AATF: variants seen among roughly 807,000 people sequenced by gnomAD.
AATF encodes the protein protein AATF.
AATF carries 48 observed loss-of-function variants against 63.7 expected under a neutral mutation model. The ratio of observed to expected loss-of-function variants is 0.75; its 90% CI spans 0.60 to 0.96. AATF has a LOEUF of 0.96. Among genes scored for constraint, AATF ranks in the 40% least tolerant of loss-of-function variants. The probability of loss-of-function intolerance (pLI) is 0.00; values close to 1 mark genes in which losing one functional copy is unlikely to be tolerated. For synonymous variants in AATF, 258 were observed against 247.7 expected, an observed-to-expected ratio of 1.04 and a Z score of -0.39; for missense variants, 639 against 685.7, an observed-to-expected ratio of 0.93 and a Z score of 0.76.
At position 37,056,394 on chromosome 17, in the gene AATF, G is replaced by A. The variant is rs560854391; in HGVS notation, c.1620-207G>A. Reference sequence around the variant, plus strand: ...ATTCCCTGGAGACGGGTGTCCAGCCGCACTGGACCATTTACATATTTTACT... The same window carrying A: ...ATTCCCTGGAGACGGGTGTCCAGCCACACTGGACCATTTACATATTTTACT... On this transcript the variant is annotated intron_variant, in intron 11 of 11. Coordinates refer to ENST00000619387, the MANE Select transcript of AATF (RefSeq NM_012138.4). The A allele has an allele frequency of 1.6e-4, 93 of 566,528 alleles. No homozygotes were observed. In the South Asian group the frequency reaches 1.8e-3, roughly 11 times the overall value. The allele number at this position is 566,528 out of a possible 1,614,324, so 35.1% of individuals were successfully genotyped here.
At chr17:37,046,382 G>A (rs996803938) in intron 11 of AATF, among the ~76,000 whole-genome samples, 1 of 152,088 alleles carries the variant, frequency 6.6e-6, no homozygotes, top group Non-Finnish European at 1.5e-5. Flanking sequence ...GGAGAAGGAA[G>A]GCAGAGGAGA....
At chr17:37,040,465 C>G in intron 11 of AATF, among the ~76,000 whole-genome samples, 1 of 11,062 alleles carries the variant, frequency 9.0e-5, no homozygotes, top group African/African-American at 4.6e-4. Flanking sequence ...TCATTTGTTC[C>G]TCATTTAAAA....
intron 11 of AATF, among the ~76,000 whole-genome samples, chr17:37,049,131 A>T (rs2071723335): frequency 6.6e-6 from 1 of 152,144 alleles, no homozygotes; most frequent in South Asian, 2.1e-4. Flanking sequence ...TAAGTAATTT[A>T]CCTAAGGTCC....
At chr17:37,034,720 A>G (rs1266631754) in intron 11 of AATF, 1 of 152,236 alleles carries the variant, frequency 6.6e-6, no homozygotes, top group East Asian at 1.9e-4. Flanking sequence ...AACTTGAACA[A>G]AAAAATTCCA....
At chr17:37,041,528 C>T (rs570342216) in intron 11 of AATF, among the ~76,000 whole-genome samples, 7 of 151,704 alleles carry the variant, frequency 4.6e-5, no homozygotes, top group East Asian at 3.9e-4. Context: ...TTTTTTGAGA[C>T]GGAGTCTTGC....
At chr17:36,960,773 G>A (rs2070940807) in intron 4 of AATF, among the ~76,000 whole-genome samples, 1 of 152,188 alleles carries the variant, frequency 6.6e-6, no homozygotes, top group African/African-American at 2.4e-5. Context: ...TTGTAACATT[G>A]TGTAGGCTTA....
intron 2 of AATF, among the ~76,000 whole-genome samples, chr17:36,951,666 C>CT (rs2070856413): frequency 1.3e-5 from 2 of 152,170 alleles, no homozygotes; most frequent in Admixed American, 1.3e-4. Flanking sequence ...TGTAGGCTGT[C>CT]TGACTCCAAG....
At chr17:36,982,705 A>G (rs2071136732) in intron 4 of AATF, among the ~76,000 whole-genome samples, 1 of 152,170 alleles carries the variant, frequency 6.6e-6, no homozygotes, top group Non-Finnish European at 1.5e-5. Flanking sequence ...GGTAAAATAT[A>G]CATGACATAA....
At chr17:37,014,642 C>T (rs746375520) in intron 8 of AATF, among the ~76,000 whole-genome samples, 29 of 152,124 alleles carry the variant, frequency 1.9e-4, no homozygotes, top group Non-Finnish European at 3.5e-4. Flanking sequence ...TTGACAGAGG[C>T]CCTTTTTTAT....
chr17:37,039,807 A>T (rs1280193990), intron 11 of AATF, among the ~76,000 whole-genome samples: 1 of 152,132 alleles, frequency 6.6e-6, no homozygotes, highest in Admixed American at 6.6e-5. Flanking sequence ...ATTTTTCCTG[A>T]TTTGCTGCTG....
At chr17:36,962,170 G>T (rs1157907204) in intron 4 of AATF, among the ~76,000 whole-genome samples, 3 of 152,252 alleles carry the variant, frequency 2.0e-5, no homozygotes, top group African/African-American at 7.2e-5. Flanking sequence ...TTTCTGTTTG[G>T]TATTTACATA....
chr17:37,010,224 G>A (rs908465712), intron 8 of AATF, among the ~76,000 whole-genome samples: 1 of 152,180 alleles, frequency 6.6e-6, no homozygotes, highest in Non-Finnish European at 1.5e-5. Flanking sequence ...GGAGGCTGAG[G>A]CGGGCGGATC....
intron 10 of AATF, among the ~76,000 whole-genome samples, chr17:37,023,300 A>G (rs1215636424): frequency 2.0e-5 from 3 of 152,172 alleles, no homozygotes; most frequent in Non-Finnish European, 4.4e-5. Context: ...AATGTTCAAT[A>G]TATCAGTTTG....
chr17:36,964,221 A>G (rs2070973008), intron 4 of AATF, among the ~76,000 whole-genome samples: 3 of 130,026 alleles, frequency 2.3e-5, no homozygotes, highest in African/African-American at 5.9e-5. Context: ...TTGCATGTTG[A>G]TAGGAGTGAC....
At chr17:36,990,318 A>G (rs1340519921) in intron 7 of AATF, among the ~76,000 whole-genome samples, 2 of 152,158 alleles carry the variant, frequency 1.3e-5, no homozygotes, top group African/African-American at 4.8e-5. Flanking sequence ...CAAACAATGG[A>G]TATTATGTTG....
chr17:36,958,565 A>C (rs1346778730), intron 4 of AATF, among the ~76,000 whole-genome samples: 1 of 152,146 alleles, frequency 6.6e-6, no homozygotes, highest in Non-Finnish European at 1.5e-5. Flanking sequence ...AAATCTCACC[A>C]TGAGTTATTT....
At chr17:37,014,267 G>GTAA (rs71368437) in intron 8 of AATF, among the ~76,000 whole-genome samples, 10,414 of 144,972 alleles carry the variant, frequency 0.072, 474 homozygotes, top group African/African-American at 0.13. Flanking sequence ...GACTGTCTTA[G>GTAA]TAATAATAAT....
chr17:37,050,031 G>A (rs11867262), intron 11 of AATF, among the ~76,000 whole-genome samples: 20,382 of 152,088 alleles, frequency 0.13, 1,489 homozygotes, highest in Non-Finnish European at 0.16. Flanking sequence ...AAGCAGACTC[G>A]GTCACAGGAG....
chr17:36,973,127 C>G (rs1321248378), intron 4 of AATF, among the ~76,000 whole-genome samples: 1 of 151,790 alleles, frequency 6.6e-6, no homozygotes, highest in Non-Finnish European at 1.5e-5. Flanking sequence ...TTCTTTCTTT[C>G]TTTTTTCCTT....
Sources: allele counts gnomAD v4.1 joint callset (sites outside exome capture counted in the v4.1 genomes callset), GRCh38; gene constraint gnomAD v4.1.1; transcripts MANE v1.5; gene names NCBI Gene and HGNC (gene_info 2026-07-23, HGNC 2026-07-21).